The following CDK13 variants were observed in gnomAD, a reference collection of about 807,000 sequenced individuals.
The protein encoded by CDK13 is cyclin-dependent kinase 13.
Under a neutral mutation model 137.6 loss-of-function variants are expected in CDK13, and 40 were observed. That is an observed-to-expected ratio of 0.29 (90% CI 0.23 to 0.38). The LOEUF is 0.38. CDK13 is among the 10% of genes least tolerant of loss of function. The probability of loss-of-function intolerance (pLI) is 1.00; values close to 1 mark genes in which losing one functional copy is unlikely to be tolerated. For missense variants in CDK13, 1,704 were observed against 1,951.8 expected, an observed-to-expected ratio of 0.87 and a Z score of 2.39; for synonymous variants, 869 against 760.1, an observed-to-expected ratio of 1.14 and a Z score of -2.36.
At chr7:39,963,962 G>A (rs1456491474) in intron 1 of CDK13, among the ~76,000 whole-genome samples, 1 of 152,180 alleles carries the variant, frequency 6.6e-6, no homozygotes, top group Non-Finnish European at 1.5e-5. Flanking sequence ...GCATCCCAGG[G>A]ATGAAGCCCA....
chr7:40,032,245 A>G (rs896323465), intron 5 of CDK13, among the ~76,000 whole-genome samples: 1 of 152,080 alleles, frequency 6.6e-6, no homozygotes, highest in Non-Finnish European at 1.5e-5. Flanking sequence ...TTTTAAAAAT[A>G]TTTTTTGGAG....
At chr7:39,989,994 C>T (rs1784425336) in intron 2 of CDK13, among the ~76,000 whole-genome samples, 1 of 152,120 alleles carries the variant, frequency 6.6e-6, no homozygotes, top group South Asian at 2.1e-4. Flanking sequence ...CCATGTTAGC[C>T]AGGATGGTCT....
chr7:40,057,354 C>CT (rs1786043443), intron 7 of CDK13, among the ~76,000 whole-genome samples: 1 of 152,212 alleles, frequency 6.6e-6, no homozygotes, highest in Admixed American at 6.5e-5. Flanking sequence ...TTCAATACAG[C>CT]TATTCAGAGA....
At chr7:39,996,372 T>C (rs1184761639) in intron 2 of CDK13, among the ~76,000 whole-genome samples, 2 of 152,156 alleles carry the variant, frequency 1.3e-5, no homozygotes, top group African/African-American at 4.8e-5. Flanking sequence ...CATGTCACAT[T>C]ATATTAGATG....
At chr7:39,953,724 T>C (rs1049043827) in intron 1 of CDK13, among the ~76,000 whole-genome samples, 10 of 152,230 alleles carry the variant, frequency 6.6e-5, no homozygotes, top group Admixed American at 2.0e-4. Context: ...GTGTTTACAT[T>C]GACCACCAGT....
rs990221330 is a variant in CDK13 at position 39,951,309 on chromosome 7, G to C, written c.668G>C (p.Arg223Pro). The C allele has an allele frequency of 3.6e-6, 5 of 1,392,742 alleles. No homozygotes were observed. In the East Asian group the frequency reaches 1.5e-4, roughly 42 times the overall value. The allele number at this position is 1,392,742 out of a possible 1,614,324, so 86.3% of individuals were successfully genotyped here. Reference protein sequence around the residue: ...HREHRRRDGQRGGSEASKSRS... With the variant: ...HREHRRRDGQPGGSEASKSRS... ...GAGCACCGGCGGCGGGATGGGCAGC[G>C]CGGTGGCAGCGAGGCCTCCAAGTCC... The change falls in exon 1 of 14, where the codon CGC (arginine) becomes CCC (proline). Residue 223 changes from arginine (R) to proline (P), a missense_variant. Transcript: ENST00000181839.
At chr7:40,057,713 A>G (rs189392481) in intron 7 of CDK13, among the ~76,000 whole-genome samples, 4 of 152,348 alleles carry the variant, frequency 2.6e-5, no homozygotes, top group Admixed American at 2.6e-4. Flanking sequence ...GGACTTCTAA[A>G]TTTGCTTGTG....
chr7:39,950,842 C>T lies in CDK13; in HGVS notation c.201C>T (p.Ala67=), dbSNP rs1385805261. The change falls in exon 1 of 14, where the codon GCC becomes GCT. Residue 67 remains alanine (A), a synonymous_variant. Transcript: ENST00000181839. ...TCTTCCTGGCTGCTCCCGGCACGGC[C>T]GCCGCCGCAGCCGCCGCCGCCGCGG... The part of the protein sequence containing the change: ...PLLFLAAPGT[A]AAAAAAAAAS... 1 of 1,379,730 alleles carries T rather than the reference C, an allele frequency of 7.2e-7. No homozygotes were observed. Among genetic ancestry groups the T allele is most frequent in the Non-Finnish European group, 9.3e-7 (1 of 1,077,246 alleles). 85.5% of individuals were successfully genotyped at this position (1,379,730 alleles called of 1,614,324 possible). A position where few individuals can be genotyped will look rare whatever the true frequency, so the allele number is the denominator to read the frequency against.
rs556779837 is a variant in CDK13, at chr7:40,054,326, C to T, written c.2600+6449C>T. ...AATTATATTTTAAGCAGTTTGAAAG[C>T]TCTTGAAATATCTAATGAGAAATCT... is the stretch of plus-strand genomic sequence containing the variant. On this transcript the variant is annotated intron_variant, in intron 7 of 13. Coordinates refer to ENST00000181839, the MANE Select transcript of CDK13 (RefSeq NM_003718.5). Among the ~76,000 whole-genome samples the T allele has an allele frequency of 5.3e-5, 8 of 152,156 alleles. No individual in the cohort carries two copies. In the South Asian group the frequency reaches 1.7e-3, roughly 32 times the overall value.
chr7:40,011,709 A>G (rs1362606883), intron 5 of CDK13, among the ~76,000 whole-genome samples: 1 of 152,086 alleles, frequency 6.6e-6, no homozygotes, highest in Admixed American at 6.6e-5. Context: ...GTAAGACTTT[A>G]TGATCTTGGA....
intron 1 of CDK13, among the ~76,000 whole-genome samples, chr7:39,982,736 T>A (rs1784255408): frequency 1.3e-5 from 2 of 152,336 alleles, no homozygotes; most frequent in Non-Finnish European, 2.9e-5. Flanking sequence ...TATCTCATTG[T>A]GGTTTTGATT....
At chr7:40,085,896 A>T (rs1001650404) in intron 11 of CDK13, 1 of 152,154 alleles carries the variant, frequency 6.6e-6, no homozygotes, top group Non-Finnish European at 1.5e-5. Flanking sequence ...GCAGCCATGA[A>T]CCTACCAAAC....
chr7:40,096,396 C>T lies in CDK13; in HGVS notation c.*1416C>T, dbSNP rs1320100935. On this transcript the variant is annotated 3_prime_UTR_variant, in exon 14 of 14. Transcript: ENST00000181839. The stretch of plus-strand genomic sequence containing the variant: ...AAGAATGGAGTAGTCCTTATTTAAA[C>T]TGTAATGGTGTCAAGTCTCACTGTG... The T allele has an allele frequency of 6.6e-6, 1 of 151,866 alleles. No homozygotes were observed. Among genetic ancestry groups the T allele is most frequent in the Non-Finnish European group, 1.5e-5 (1 of 67,990 alleles). The allele number at this position is 151,866 out of a possible 1,614,324, so 9.4% of individuals were successfully genotyped here.
intron 1 of CDK13, among the ~76,000 whole-genome samples, chr7:39,966,320 TTTA>T (rs1245313892): frequency 6.6e-6 from 1 of 152,194 alleles, no homozygotes; most frequent in African/African-American, 2.4e-5. Flanking sequence ...TTCGTTTCTT[TTTA>T]TTCTTTTTTT....
rs34775357 is a variant in CDK13, at chr7:39,997,631, C to A, written c.2009C>A (p.Thr670Lys). ...TCAAAGAGTCCAGAGGAAAAGAAAA[C>A]AGCAACACAGTTACATAGTAAAAGG... ...DLSKSPEEKK[T>K]ATQLHSKRRP... Residue 670 changes from threonine to lysine, a missense_variant, in exon 3 of 14, where the codon ACA (threonine) becomes AAA (lysine). This residue lies in a region of CDK13 where 1,051 missense variants were observed against 931.0 expected (regional missense o/e 1.13). Transcript: ENST00000181839. 2 of 1,613,738 alleles carry A rather than the reference C, an allele frequency of 1.2e-6. No individual in the cohort carries two copies. The highest frequency in any genetic ancestry group is 2.7e-5 in the African/African-American group (2 of 75,024).
intron 9 of CDK13, among the ~76,000 whole-genome samples, chr7:40,064,539 C>T (rs1786233524): frequency 6.6e-6 from 1 of 152,050 alleles, no homozygotes; most frequent in Non-Finnish European, 1.5e-5. Flanking sequence ...AAAAATCTTA[C>T]TATTGCCCTT....
At chr7:40,003,206 A>ACACACACTCTCTCTCTCTCTCTCT (rs374470130) in intron 5 of CDK13, among the ~76,000 whole-genome samples, 9 of 79,902 alleles carry the variant, frequency 1.1e-4, no homozygotes, top group African/African-American at 3.8e-4. Context: ...ACACACACAC[A>ACACACACTCTCTCTCTCTCTCTCT]CTCTCTCTCT....
chr7:39,962,890 C>G (rs913541335), intron 1 of CDK13, among the ~76,000 whole-genome samples: 1 of 152,126 alleles, frequency 6.6e-6, no homozygotes, highest in African/African-American at 2.4e-5. Context: ...AATCCTTTCC[C>G]CATTTCTTGT....
intron 5 of CDK13, among the ~76,000 whole-genome samples, chr7:40,026,425 C>G (rs1014252108): frequency 6.6e-6 from 1 of 152,026 alleles, no homozygotes; most frequent in Non-Finnish European, 1.5e-5. Context: ...AGGAGGATCC[C>G]TTGCTTGAGC....
Sources: allele counts gnomAD v4.1 joint callset (sites outside exome capture counted in the v4.1 genomes callset), GRCh38; gene constraint gnomAD v4.1.1; regional missense constraint gnomAD v4.1.1; transcripts MANE v1.5; gene names NCBI Gene and HGNC (gene_info 2026-07-23, HGNC 2026-07-21).